TXNRD2: variants seen among roughly 807,000 people sequenced by gnomAD.
TXNRD2 encodes the protein thioredoxin reductase 2.
Under a neutral mutation model 70.8 loss-of-function variants are expected in TXNRD2, and 67 were observed. The ratio of observed to expected loss-of-function variants is 0.95; its 90% CI spans 0.78 to 1.16. TXNRD2 has a LOEUF of 1.16. TXNRD2 is among the 50% of genes most tolerant of loss of function. TXNRD2 has a pLI of 0.00. For missense variants in TXNRD2, 644 were observed against 719.9 expected, an observed-to-expected ratio of 0.89 and a Z score of 1.21; for synonymous variants, 301 against 295.8, an observed-to-expected ratio of 1.02 and a Z score of -0.18.
intron 8 of TXNRD2, among the ~76,000 whole-genome samples, chr22:19,907,684 T>G (rs1199425798): frequency 2.4e-5 from 1 of 42,288 alleles, no homozygotes; most frequent in African/African-American, 9.6e-5. Context: ...CAGGAGAGTG[T>G]GGGCGCCGTG....
intron 2 of TXNRD2, among the ~76,000 whole-genome samples, chr22:19,924,064 G>A (rs914111653): frequency 6.6e-6 from 1 of 151,662 alleles, no homozygotes; most frequent in Non-Finnish European, 1.5e-5. Context: ...GCAGCGGTGC[G>A]ATCACAGCTT....
At chr22:19,930,394 GCA>G (rs1601479355) in intron 2 of TXNRD2, among the ~76,000 whole-genome samples, 1 of 152,130 alleles carries the variant, frequency 6.6e-6, no homozygotes. Context: ...CTACAGCAGG[GCA>G]CAGAGTCTGG....
At chr22:19,915,181 G>A (rs748864470) in intron 7 of TXNRD2, 33 bp downstream of exon 7, 3 of 1,609,860 alleles carry the variant, frequency 1.9e-6, no homozygotes, top group African/African-American at 2.7e-5. Flanking sequence ...ATGGGCCACG[G>A]CAGCAGGGAC....
intron 8 of TXNRD2, among the ~76,000 whole-genome samples, chr22:19,909,807 CCA>C (rs1195663237): frequency 7.0e-5 from 9 of 129,340 alleles, no homozygotes; most frequent in Non-Finnish European, 1.5e-4. Context: ...CTCACACACA[CCA>C]CTCACACACA....
In TXNRD2 at chr22:19,941,683, GC is replaced by G; in HGVS notation, c.103+17del. On this transcript the variant is annotated intron_variant, in intron 1 of 17. Coordinates refer to ENST00000400521, the MANE Select transcript of TXNRD2 (RefSeq NM_006440.5). Reference sequence around the variant, plus strand: ...CCGCGCGGACACCTACCGCGGGGACGCCCCGACCCCATCCTACCTGCTGCGC... The same window carrying G: ...CCGCGCGGACACCTACCGCGGGGACGCCCGACCCCATCCTACCTGCTGCGC... 6.8e-7 allele frequency: 1 copy of G among 1,467,242 alleles called. No individual in the cohort carries two copies. The highest frequency in any genetic ancestry group is 9.0e-7 in the Non-Finnish European group (1 of 1,117,164). The allele number at this position is 1,467,242 out of a possible 1,614,324, so 90.9% of individuals were successfully genotyped here.
chr22:19,878,601 C>T (rs554086892), intron 14 of TXNRD2, among the ~76,000 whole-genome samples, 164 bp from the exon 15 acceptor site: 6 of 152,308 alleles, frequency 3.9e-5, no homozygotes, highest in South Asian at 4.1e-4. Context: ...TGGCTGGCCA[C>T]GGGGTGTGTG....
chr22:19,903,566 C>T (rs1420127353), intron 8 of TXNRD2, among the ~76,000 whole-genome samples: 6 of 152,316 alleles, frequency 3.9e-5, no homozygotes, highest in Admixed American at 6.5e-5. Context: ...GGAGGCTTCC[C>T]GGTGGAGGCA....
In TXNRD2 at chr22:19,877,200, C is replaced by T. The variant is rs762203465; in HGVS notation, c.1480G>A (p.Val494Met). ...GASYAQVMRT[V>M]GIHPTCSEEV... is the part of the protein sequence containing the mutation. The stretch of plus-strand genomic sequence containing the variant: ...TCAGAGCATGTGGGATGGATACCCA[C>T]GGTCCGCATCACCTGCGCATAGGAA... Residue 494 changes from valine to methionine, a missense_variant, in exon 17 of 18, where the codon GTG becomes ATG. Coordinates refer to ENST00000400521, the MANE Select transcript of TXNRD2 (RefSeq NM_006440.5). 1.2e-5 allele frequency: 20 copies of T among 1,611,448 alleles called. No homozygotes were observed. Among genetic ancestry groups the T allele is most frequent in the East Asian group, 6.7e-5 (3 of 44,830 alleles).
intron 12 of TXNRD2, among the ~76,000 whole-genome samples, chr22:19,881,540 T>A (rs552816397): frequency 6.6e-6 from 1 of 152,320 alleles, no homozygotes; most frequent in East Asian, 1.9e-4. Context: ...ACAGAGTGGA[T>A]TTAATGTTTA....
At chr22:19,918,103 G>A (rs1276155551) in intron 5 of TXNRD2, 40 bp downstream of exon 5, 2 of 1,569,342 alleles carry the variant, frequency 1.3e-6, no homozygotes, top group Admixed American at 3.3e-5. Context: ...CCCAAGAGAA[G>A]GCCCAGAGGG....
Position 19,941,769 on chromosome 22 carries a change from C to G in TXNRD2, c.35G>C (p.Gly12Ala). 1.3e-6 allele frequency: 2 copies of G among 1,523,392 alleles called. No homozygotes were observed. Among genetic ancestry groups the G allele is most frequent in the African/African-American group, 2.9e-5 (2 of 69,582 alleles). 94.4% of individuals were successfully genotyped at this position (1,523,392 alleles called of 1,614,324 possible). A position where few individuals can be genotyped will look rare whatever the true frequency, so the allele number is the denominator to read the frequency against. ...CTGCGTCCGCCACCGGAAGCGCCCTCCTAATCCCCGCAGCGCCACCGCCAT... is the reference window on the plus strand; with the variant it reads ...CTGCGTCCGCCACCGGAAGCGCCCTGCTAATCCCCGCAGCGCCACCGCCAT... Reference protein sequence around the residue: ...AAMAVALRGLGGRFRWRTQAV... With the variant: ...AAMAVALRGLAGRFRWRTQAV... The change falls in exon 1 of 18, where the codon GGA becomes GCA. Residue 12 changes from glycine (G) to alanine (A), a missense_variant. Physicochemically the swap from Gly to Ala is moderately conservative, Grantham distance 60. Transcript: ENST00000400521.
intron 11 of TXNRD2, chr22:19,894,721 GGCTCACACCTGTAA>G (rs1455707174): frequency 1.3e-5 from 3 of 225,590 alleles, no homozygotes; most frequent in Non-Finnish European, 2.6e-5. Context: ...CAGGTGCGGT[GGCTCACACCTGTAA>G]TCTCAGTACT....
intron 4 of TXNRD2, 51 bp from the exon 5 acceptor site, chr22:19,918,268 C>T (rs746113822): frequency 2.0e-6 from 3 of 1,467,268 alleles, no homozygotes; most frequent in Admixed American, 1.7e-5. Flanking sequence ...GTGTTAGCTG[C>T]AGGGCCTCAC....
chr22:19,907,777 T>G (rs1456329356), intron 8 of TXNRD2, among the ~76,000 whole-genome samples: 19 of 28,426 alleles, frequency 6.7e-4, no homozygotes, highest in Admixed American at 1.1e-3. Context: ...GCGCCGTGGG[T>G]AGCAGTGACC....
chr22:19,911,114 A>G (rs1451508022), intron 8 of TXNRD2: 7 of 528,304 alleles, frequency 1.3e-5, no homozygotes, highest in Admixed American at 3.2e-5. Context: ...AGATTTTTGT[A>G]GAGTAGAGGT....
rs1041313871 is a variant in TXNRD2 at position 19,914,978 on chromosome 22, G to A, written c.591+236C>T. Reference sequence around the variant, plus strand: ...GAAGGGGACAGATCCAGCGGGGCAGGGGGAGAGCAGAACGAGAGCTGTCCT... The same window carrying A: ...GAAGGGGACAGATCCAGCGGGGCAGAGGGAGAGCAGAACGAGAGCTGTCCT... On this transcript the variant is annotated intron_variant, in intron 7 of 17. Coordinates refer to ENST00000400521, the MANE Select transcript of TXNRD2 (RefSeq NM_006440.5). The A allele has an allele frequency of 9.3e-6, 5 of 535,150 alleles. No individual in the cohort carries two copies. In the South Asian group the frequency reaches 9.6e-5, roughly 10 times the overall value. The allele number at this position is 535,150 out of a possible 1,614,324, so 33.2% of individuals were successfully genotyped here. A position where few individuals can be genotyped will look rare whatever the true frequency, so the allele number is the denominator to read the frequency against.
chr22:19,937,846 C>T (rs1394910635), intron 1 of TXNRD2: 2 of 152,224 alleles, frequency 1.3e-5, no homozygotes, highest in African/African-American at 2.4e-5. Flanking sequence ...AAATCCCTTG[C>T]CACAGAACCA....
intron 2 of TXNRD2, among the ~76,000 whole-genome samples, chr22:19,923,645 A>G (rs1373333786): frequency 5.3e-5 from 8 of 152,142 alleles, no homozygotes; most frequent in Admixed American, 5.2e-4. Context: ...TCTACTAAAA[A>G]TACAAAATTA....
At chr22:19,938,314 T>C (rs1941598347) in intron 1 of TXNRD2, 1 of 152,206 alleles carries the variant, frequency 6.6e-6, no homozygotes, top group African/African-American at 2.4e-5. Flanking sequence ...GTGAGTCAAT[T>C]GCTCAATTAC....
Sources: gnomAD v4.1 joint callset for allele counts (sites outside exome capture counted in the v4.1 genomes callset) on GRCh38, gnomAD v4.1.1 for gene constraint, MANE v1.5 for transcripts, NCBI Gene and HGNC (gene_info 2026-07-23, HGNC 2026-07-21) for gene names.